Variants in ZNF516 observed in about 807,000 individuals in gnomAD.
ZNF516 encodes the protein zinc finger protein 516.
A neutral mutation model predicts 79.7 loss-of-function variants in ZNF516; 19 were observed. The observed-to-expected ratio is 0.24, with a 90% CI of 0.17 to 0.35. The LOEUF (loss-of-function observed/expected upper bound fraction) is 0.35. ZNF516 is among the 10% of genes least tolerant of loss of function. ZNF516 has a pLI of 1.00. For synonymous variants in ZNF516, 877 were observed against 739.5 expected (o/e 1.19, Z -3.02); for missense variants, 1,678 against 1,679.5 (o/e 1.00, Z 0.02).
chr18:76,363,018 A>C (rs1458454694), intron 6 of ZNF516, among the ~76,000 whole-genome samples: 1 of 152,222 alleles, frequency 6.6e-6, no homozygotes, highest in African/African-American at 2.4e-5. Flanking sequence ...CAAAAAGAAG[A>C]GCACGGCTCT....
At position 76,443,111 on chromosome 18, in the gene ZNF516, G is replaced by A. The variant is rs1911827231; in HGVS notation, c.-57C>T. The A allele has an allele frequency of 2.0e-6, 3 of 1,518,610 alleles. No homozygotes were observed. The highest frequency in any genetic ancestry group is 2.4e-5 in the East Asian group (1 of 40,834). The allele number at this position is 1,518,610 out of a possible 1,614,324, so 94.1% of individuals were successfully genotyped here. A position where few individuals can be genotyped will look rare whatever the true frequency, so the allele number is the denominator to read the frequency against. Reference sequence around the variant, plus strand: ...ACAGCTTTCTGTCGCGCGGGCTGCAGGGACCGTCCTATCTCTCCATGGTCA... The same window carrying A: ...ACAGCTTTCTGTCGCGCGGGCTGCAAGGACCGTCCTATCTCTCCATGGTCA... On this transcript the variant is annotated 5_prime_UTR_variant, in exon 3 of 7. Coordinates refer to ENST00000443185, the MANE Select transcript of ZNF516 (RefSeq NM_014643.4).
intron 3 of ZNF516, among the ~76,000 whole-genome samples, chr18:76,419,380 A>G (rs756668554): frequency 6.6e-6 from 1 of 152,340 alleles, no homozygotes; most frequent in East Asian, 1.9e-4. Flanking sequence ...CCAGACCAAA[A>G]TATCGTTACC....
chr18:76,464,154 T>C (rs1435924793), intron 1 of ZNF516, among the ~76,000 whole-genome samples: 1 of 152,050 alleles, frequency 6.6e-6, no homozygotes, highest in South Asian at 2.1e-4. Flanking sequence ...TAAAACCCCG[T>C]CTGTACTAAA....
In ZNF516 at chr18:76,360,440, A is replaced by G. The variant is rs2074513102; in HGVS notation, c.*2058T>C. On this transcript the variant is annotated 3_prime_UTR_variant, in exon 7 of 7. Transcript: ENST00000443185. The stretch of plus-strand genomic sequence containing the variant: ...GGGGAAACTACTGAAATGATTAAAC[A>G]TAAATCAACAGAAGAGTCTTCTGAT... The G allele has an allele frequency of 6.6e-6, 1 of 151,958 alleles. No homozygotes were observed. The highest frequency in any genetic ancestry group is 6.6e-5 in the Admixed American group (1 of 15,252). 9.4% of individuals were successfully genotyped at this position (151,958 alleles called of 1,614,324 possible).
chr18:76,457,090 A>G (rs1173530164), intron 2 of ZNF516, among the ~76,000 whole-genome samples: 1 of 152,256 alleles, frequency 6.6e-6, no homozygotes, highest in East Asian at 1.9e-4. Flanking sequence ...CCAGTAAGAC[A>G]ACACGCAGTG....
intron 3 of ZNF516, among the ~76,000 whole-genome samples, chr18:76,422,818 A>G (rs555762864): frequency 2.6e-4 from 40 of 152,258 alleles, no homozygotes; most frequent in African/African-American, 7.0e-4. Context: ...AGAAATCTCC[A>G]ATCGTAAACA....
At position 76,467,417 on chromosome 18, in the gene ZNF516, A is replaced by C. The variant is rs1286025868; in HGVS notation, c.-271-4276T>G. Among the ~76,000 whole-genome samples the C allele has an allele frequency of 6.6e-6, 1 of 152,172 alleles. No homozygotes were observed. Among genetic ancestry groups the C allele is most frequent in the African/African-American group, 2.4e-5 (1 of 41,446 alleles). On this transcript the variant is annotated intron_variant, in intron 1 of 6. Coordinates refer to ENST00000443185, the MANE Select transcript of ZNF516 (RefSeq NM_014643.4). This position sits in a 1 kb window ranked among gnomAD's most constrained non-coding sequence, Gnocchi z 4.2. Reference sequence around the variant, plus strand: ...GTCCTGCGTGTCTCTTGTCCCAGAGAGGAAATGATTTGGGCAAACGCTCTG... The same window carrying C: ...GTCCTGCGTGTCTCTTGTCCCAGAGCGGAAATGATTTGGGCAAACGCTCTG...
chr18:76,477,124 T>C lies in ZNF516; in HGVS notation c.-271-13983A>G, dbSNP rs555242589. ...AGAAAAAAGATAAAACAGCACTTTTTATCCCAGCTGAGTCATATCGTTTGG... is the reference window on the plus strand; with the variant it reads ...AGAAAAAAGATAAAACAGCACTTTTCATCCCAGCTGAGTCATATCGTTTGG... On this transcript the variant is annotated intron_variant, in intron 1 of 6. Coordinates refer to ENST00000443185, the MANE Select transcript of ZNF516 (RefSeq NM_014643.4). Among the ~76,000 whole-genome samples, 6 of 152,348 alleles carry C rather than the reference T, an allele frequency of 3.9e-5. No individual in the cohort carries two copies. The South Asian group carries it at 1.2e-3, about 32-fold the overall frequency.
At chr18:76,419,662 G>A (rs552143155) in intron 3 of ZNF516, among the ~76,000 whole-genome samples, 1 of 152,078 alleles carries the variant, frequency 6.6e-6, no homozygotes, top group East Asian at 1.9e-4. Flanking sequence ...TTTGATAAAG[G>A]GCAGTTCCCC....
At chr18:76,460,246 C>T (rs1023185376) in intron 2 of ZNF516, among the ~76,000 whole-genome samples, 5 of 152,188 alleles carry the variant, frequency 3.3e-5, no homozygotes, top group African/African-American at 1.2e-4. Context: ...GGCCCTCCTC[C>T]GTCTCTGCGA....
intron 1 of ZNF516, among the ~76,000 whole-genome samples, chr18:76,482,360 G>A (rs1914572424): frequency 6.6e-6 from 1 of 152,178 alleles, no homozygotes; most frequent in African/African-American, 2.4e-5. Context: ...CCCAACTTAG[G>A]AAAGTTTGAC....
chr18:76,469,120 G>A (rs1051355341), intron 1 of ZNF516, among the ~76,000 whole-genome samples: 3 of 152,122 alleles, frequency 2.0e-5, no homozygotes, highest in East Asian at 1.9e-4. Flanking sequence ...AGCTCTGTAC[G>A]CCTGAATATA....
At chr18:76,387,648 C>G (rs1215710636) in intron 3 of ZNF516, 5 of 152,254 alleles carry the variant, frequency 3.3e-5, no homozygotes, top group Non-Finnish European at 7.3e-5. Flanking sequence ...CATGCATGGA[C>G]TTGGTCTCTC....
At chr18:76,471,148 G>A (rs1913811782) in intron 1 of ZNF516, among the ~76,000 whole-genome samples, 1 of 151,774 alleles carries the variant, frequency 6.6e-6, no homozygotes, top group South Asian at 2.1e-4. Flanking sequence ...GATAAAGATG[G>A]TATTATGAAA....
intron 1 of ZNF516, chr18:76,492,902 G>A (rs1303397482): frequency 1.0e-5 from 10 of 985,490 alleles, no homozygotes; most frequent in Non-Finnish European, 9.6e-6. Flanking sequence ...ACACATCTGT[G>A]TAAATGCAGA....
chr18:76,383,554 C>T (rs2074928922), intron 3 of ZNF516, among the ~76,000 whole-genome samples: 1 of 145,804 alleles, frequency 6.9e-6, no homozygotes, highest in Non-Finnish European at 1.5e-5. Flanking sequence ...CCCCACCAGG[C>T]ACCTTCTCAG....
At chr18:76,433,086 G>A (rs1418923825) in intron 3 of ZNF516, among the ~76,000 whole-genome samples, 2 of 152,222 alleles carry the variant, frequency 1.3e-5, no homozygotes, top group Admixed American at 1.3e-4. Context: ...TGAAGACTCT[G>A]TAGGCTTCTG....
intron 6 of ZNF516, among the ~76,000 whole-genome samples, chr18:76,367,252 C>T (rs760558544): frequency 6.6e-5 from 10 of 152,290 alleles, no homozygotes; most frequent in South Asian, 2.1e-4. Flanking sequence ...CAAATCTACC[C>T]GCTCTCTCCG....
At chr18:76,485,023 A>G (rs1317929978) in intron 1 of ZNF516, among the ~76,000 whole-genome samples, 6 of 147,286 alleles carry the variant, frequency 4.1e-5, no homozygotes, top group African/African-American at 1.5e-4. Flanking sequence ...GCACTTTTAC[A>G]TTAGGAATTC....
Sources: gnomAD v4.1 joint callset for allele counts (sites outside exome capture counted in the v4.1 genomes callset) on GRCh38, gnomAD v4.1.1 for gene constraint, Gnocchi (gnomAD v3.1) non-coding constraint, MANE v1.5 for transcripts, NCBI Gene and HGNC (gene_info 2026-07-23, HGNC 2026-07-21) for gene names.